Variants in PPP1R42 observed in about 807,000 individuals in gnomAD.
The protein encoded by PPP1R42 is leucine rich repeat containing 67.
In PPP1R42, 34 loss-of-function variants were observed where a neutral mutation model predicts 31.0. That is an observed-to-expected ratio of 1.10 (90% CI 0.83 to 1.46). The LOEUF (loss-of-function observed/expected upper bound fraction) is 1.46, where lower values mean the gene tolerates loss of function less well. Among genes scored for constraint, PPP1R42 ranks in the 40% most tolerant of loss-of-function variants. The pLI is 0.00. For missense variants in PPP1R42, 268 were observed against 303.0 expected (o/e 0.88, Z 0.86); for synonymous variants, 103 against 109.8 (o/e 0.94, Z 0.39).
At chr8:66,991,200 T>C (rs1255273358) in intron 5 of PPP1R42, among the ~76,000 whole-genome samples, 3 of 152,176 alleles carry the variant, frequency 2.0e-5, no homozygotes, top group African/African-American at 7.2e-5. Context: ...GTTCTTCAAG[T>C]TTTATACATT....
At chr8:67,014,677 T>C in intron 2 of PPP1R42, 85 bp from the exon 3 acceptor site, 1 of 855,666 alleles carries the variant, frequency 1.2e-6, no homozygotes, top group South Asian at 1.8e-5. Flanking sequence ...CAGTTGATCA[T>C]TCTACAAATT....
At chr8:67,007,790 C>G (rs1448915828) in intron 5 of PPP1R42, among the ~76,000 whole-genome samples, 2 of 151,936 alleles carry the variant, frequency 1.3e-5, no homozygotes, top group Non-Finnish European at 2.9e-5. Flanking sequence ...GTTATCATAT[C>G]TACTGTGTCA....
chr8:67,026,431 T>G (rs940686277), intron 1 of PPP1R42, among the ~76,000 whole-genome samples: 9 of 152,158 alleles, frequency 5.9e-5, no homozygotes, highest in African/African-American at 2.2e-4. Context: ...GTAAAAACAT[T>G]TGTTTGTACA....
intron 5 of PPP1R42, among the ~76,000 whole-genome samples, chr8:67,005,561 A>G (rs1815648677): frequency 6.6e-6 from 1 of 152,192 alleles, no homozygotes; most frequent in South Asian, 2.1e-4. Flanking sequence ...ACGAGGTGGA[A>G]TTATTCTGTT....
chr8:67,012,947 T>C lies in PPP1R42; in HGVS notation c.435+11A>G. 1 of 1,591,362 alleles carries C rather than the reference T, an allele frequency of 6.3e-7. No homozygotes were observed. Among genetic ancestry groups the C allele is most frequent in the Non-Finnish European group, 8.5e-7 (1 of 1,173,348 alleles). ...TATATTCCTTGTCAAAATATTCAAA[T>C]GTGAACTTACTGCCAGAGAATGAAG... is the stretch of plus-strand genomic sequence containing the variant. On this transcript the variant is annotated intron_variant, in intron 4 of 7. Transcript: ENST00000685739.
At chr8:66,978,664 CA>C (rs776262826) in intron 7 of PPP1R42, among the ~76,000 whole-genome samples, 110 of 152,152 alleles carry the variant, frequency 7.2e-4, no homozygotes, top group Non-Finnish European at 8.1e-4. Context: ...GTGATCCACC[CA>C]CCTCAGCTTC....
intron 7 of PPP1R42, among the ~76,000 whole-genome samples, chr8:66,979,069 CTTGT>C (rs1301353326): frequency 1.4e-4 from 21 of 152,102 alleles, no homozygotes; most frequent in Admixed American, 4.6e-4. Flanking sequence ...CATAATCCCA[CTTGT>C]TTATTTTTGT....
chr8:66,969,419 G>A (rs887508401), intron 7 of PPP1R42, among the ~76,000 whole-genome samples: 9 of 152,204 alleles, frequency 5.9e-5, no homozygotes, highest in African/African-American at 2.2e-4. Context: ...TGGTGATAAT[G>A]ACAATGGACA....
intron 6 of PPP1R42, chr8:66,984,357 A>T (rs1456775001): frequency 7.7e-7 from 1 of 1,297,290 alleles, no homozygotes; most frequent in Admixed American, 1.7e-5. Flanking sequence ...CCTTTGTGTT[A>T]GATGTCTGTT....
intron 6 of PPP1R42, among the ~76,000 whole-genome samples, chr8:66,983,480 T>C (rs1213292723): frequency 6.6e-6 from 1 of 152,132 alleles, no homozygotes; most frequent in Non-Finnish European, 1.5e-5. Flanking sequence ...TTTTTCTTTC[T>C]TTCCATAGGA....
At chr8:66,992,463 A>C (rs957966890) in intron 5 of PPP1R42, among the ~76,000 whole-genome samples, 6 of 152,168 alleles carry the variant, frequency 3.9e-5, no homozygotes, top group Non-Finnish European at 5.9e-5. Context: ...TAACTAATAA[A>C]AGCAATGCTG....
chr8:67,006,929 G>C (rs533653587), intron 5 of PPP1R42, among the ~76,000 whole-genome samples: 155 of 150,784 alleles, frequency 1.0e-3, no homozygotes, highest in Admixed American at 2.1e-3. Context: ...ATTTTTAGTA[G>C]AGATGGGGTT....
intron 7 of PPP1R42, among the ~76,000 whole-genome samples, chr8:66,967,163 G>A (rs566957808): frequency 1.3e-5 from 2 of 152,116 alleles, no homozygotes; most frequent in African/African-American, 4.8e-5. Flanking sequence ...ATGGAGATGA[G>A]GTCTCATTGT....
intron 7 of PPP1R42, among the ~76,000 whole-genome samples, chr8:66,966,897 A>C (rs765144470): frequency 6.6e-6 from 1 of 152,236 alleles, no homozygotes; most frequent in Non-Finnish European, 1.5e-5. Context: ...TCTTGTTCAC[A>C]GAGTAAACCA....
chr8:67,024,014 C>T (rs1032837933), intron 1 of PPP1R42, among the ~76,000 whole-genome samples: 3 of 151,848 alleles, frequency 2.0e-5, no homozygotes, highest in Admixed American at 6.6e-5. Context: ...GGCATGGTGG[C>T]GCGCACCTGT....
At chr8:67,006,872 G>A (rs780362230) in intron 5 of PPP1R42, among the ~76,000 whole-genome samples, 4 of 147,018 alleles carry the variant, frequency 2.7e-5, no homozygotes, top group Non-Finnish European at 6.0e-5. Flanking sequence ...TCAGCCTCCC[G>A]AGTAGCTGGG....
intron 1 of PPP1R42, among the ~76,000 whole-genome samples, chr8:67,022,947 T>C (rs1000024478): frequency 3.3e-5 from 5 of 152,166 alleles, no homozygotes; most frequent in African/African-American, 1.2e-4. Flanking sequence ...TTGTTAGGAA[T>C]TGCAAATTTA....
At chr8:66,972,553 C>T (rs1257833722) in intron 7 of PPP1R42, among the ~76,000 whole-genome samples, 1 of 152,108 alleles carries the variant, frequency 6.6e-6, no homozygotes, top group Admixed American at 6.6e-5. Context: ...CCACACCCGG[C>T]TAATTTTTGT....
chr8:67,001,617 C>T (rs1474021308), intron 5 of PPP1R42, among the ~76,000 whole-genome samples: 1 of 151,992 alleles, frequency 6.6e-6, no homozygotes, highest in South Asian at 2.1e-4. Context: ...GTTGCTTCAG[C>T]GTTTAAAACA....
Sources: allele counts gnomAD v4.1 joint callset (sites outside exome capture counted in the v4.1 genomes callset), GRCh38; gene constraint gnomAD v4.1.1; transcripts MANE v1.5; gene names NCBI Gene and HGNC (gene_info 2026-07-23, HGNC 2026-07-21).